The following MAP2 variants were observed in gnomAD, a reference collection of about 807,000 sequenced individuals.
MAP2 encodes the protein microtubule-associated protein 2.
A neutral mutation model predicts 137.6 loss-of-function variants in MAP2; 14 were observed. The observed-to-expected ratio is 0.10, with a 90% CI of 0.07 to 0.16. The LOEUF is 0.16. Ranked by LOEUF, MAP2 falls within the 10% of genes least tolerant of loss-of-function variation. MAP2 has a pLI of 1.00. For missense variants in MAP2, 2,088 were observed against 2,191.5 expected (o/e 0.95, Z 0.94); for synonymous variants, 786 against 782.3 (o/e 1.00, Z -0.08).
intron 4 of MAP2, among the ~76,000 whole-genome samples, chr2:209,648,924 GGA>G (rs1209441022): frequency 1.3e-5 from 2 of 152,090 alleles, no homozygotes; most frequent in African/African-American, 2.4e-5. Flanking sequence ...TTTGCAATTT[GGA>G]GAGTTTCCCA....
chr2:209,649,243 C>G (rs1264996433), intron 4 of MAP2, among the ~76,000 whole-genome samples: 1 of 152,018 alleles, frequency 6.6e-6, no homozygotes, highest in East Asian at 1.9e-4. Flanking sequence ...TCTTGAACTC[C>G]TGGACTCAAG....
At chr2:209,471,682 G>A (rs1279691759) in intron 1 of MAP2, among the ~76,000 whole-genome samples, 1 of 135,848 alleles carries the variant, frequency 7.4e-6, no homozygotes, top group Non-Finnish European at 1.5e-5. Context: ...AGGAAGGAAC[G>A]TGTTCTACAA....
intron 1 of MAP2, among the ~76,000 whole-genome samples, chr2:209,437,413 T>C (rs1317834869): frequency 6.6e-6 from 1 of 151,706 alleles, no homozygotes; most frequent in African/African-American, 2.4e-5. Flanking sequence ...GGTTTTCTCA[T>C]TCAAACTGAA....
chr2:209,677,601 C>A (rs534869112), intron 5 of MAP2, among the ~76,000 whole-genome samples: 1 of 152,090 alleles, frequency 6.6e-6, no homozygotes, highest in Admixed American at 6.6e-5. Flanking sequence ...TGATATATTT[C>A]TGTTAGTCAT....
At chr2:209,571,884 T>C (rs1012978795) in intron 2 of MAP2, among the ~76,000 whole-genome samples, 3 of 151,894 alleles carry the variant, frequency 2.0e-5, no homozygotes, top group Non-Finnish European at 4.4e-5. Flanking sequence ...TTTCTCTCTC[T>C]CCATTTATAC....
intron 1 of MAP2, among the ~76,000 whole-genome samples, chr2:209,434,814 C>CCT (rs58596249): frequency 0.25 from 25,941 of 102,424 alleles, 3,886 homozygotes; most frequent in South Asian, 0.29. Context: ...AGAGCCAGAT[C>CCT]CTCTCTCTCT....
At chr2:209,580,371 A>G (rs2076141269) in intron 3 of MAP2, among the ~76,000 whole-genome samples, 1 of 152,268 alleles carries the variant, frequency 6.6e-6, no homozygotes, top group East Asian at 1.9e-4. Context: ...TTATCATTGT[A>G]ATGTTTTTTT....
intron 2 of MAP2, among the ~76,000 whole-genome samples, chr2:209,558,814 G>A (rs2071295645): frequency 3.3e-5 from 5 of 151,846 alleles, no homozygotes. Flanking sequence ...TACCAGGCCA[G>A]TTGTCTTGAA....
At position 209,695,510 on chromosome 2, in the gene MAP2, G is replaced by T; in HGVS notation, c.3340G>T (p.Val1114Leu). 6.2e-7 allele frequency: 1 copy of T among 1,614,120 alleles called. No individual in the cohort carries two copies. The highest frequency in any genetic ancestry group is 8.5e-7 in the Non-Finnish European group (1 of 1,180,014). The change falls in exon 8 of 16, where the codon GTG (valine) becomes TTG (leucine). Residue 1114 changes from valine (V) to leucine (L), a missense_variant. Physicochemically the swap from Val to Leu is conservative, Grantham distance 32 (BLOSUM62 1). Transcript: ENST00000682079. ...KVSETEVKEK[V>L]AKPDLVHQEA... ...TAGTGAGACAGAAGTCAAAGAGAAG[G>T]TGGCCAAGCCTGACTTGGTGCACCA... is the stretch of plus-strand genomic sequence containing the variant.
In MAP2 at chr2:209,653,140, A is replaced by T. The variant is rs1411963590; in HGVS notation, c.-29-2A>T. On this transcript the variant is annotated splice_acceptor_variant, in intron 4 of 15. Coordinates refer to ENST00000682079, the MANE Select transcript of MAP2 (RefSeq NM_001375505.1). LOFTEE classifies it low-confidence loss of function (5UTR_SPLICE). ...TAATAGCTACTATTTTTTCTCTTTC[A>T]GTTGCAGGAGAAATAACAAGGCATT... 1.2e-5 allele frequency: 19 copies of T among 1,545,898 alleles called. No individual in the cohort carries two copies. In the Admixed American group the frequency reaches 2.5e-4, roughly 20 times the overall value.
intron 2 of MAP2, among the ~76,000 whole-genome samples, chr2:209,555,139 G>A (rs370390974): frequency 7.9e-5 from 12 of 151,788 alleles, no homozygotes; most frequent in South Asian, 2.1e-4. Context: ...CCCAGTGCCC[G>A]TCATAATCCT....
chr2:209,541,148 A>T (rs1212323773), intron 2 of MAP2, among the ~76,000 whole-genome samples: 1 of 151,082 alleles, frequency 6.6e-6, no homozygotes, highest in African/African-American at 2.5e-5. Context: ...CTCCTGCCTC[A>T]GCCTCCCAAG....
intron 4 of MAP2, among the ~76,000 whole-genome samples, chr2:209,637,633 C>CTG (rs2093674869): frequency 6.6e-6 from 1 of 152,072 alleles, no homozygotes; most frequent in Non-Finnish European, 1.5e-5. Context: ...ATACTTCTAA[C>CTG]CTAACCATCA....
intron 1 of MAP2, among the ~76,000 whole-genome samples, chr2:209,457,216 C>T (rs4673479): frequency 0.99 from 150,085 of 152,288 alleles, 74,066 homozygotes; most frequent in Non-Finnish European, 1. Flanking sequence ...GCGTGAATGG[C>T]TTGGCTATGG....
intron 7 of MAP2, 125 bp from the exon 8 acceptor site, chr2:209,692,500 C>G (rs1480489124): frequency 9.9e-7 from 1 of 1,013,550 alleles, no homozygotes; most frequent in Non-Finnish European, 1.4e-6. Flanking sequence ...GGGTAGCATG[C>G]TTGCATGTTC....
At chr2:209,460,812 A>T (rs1702600122) in intron 1 of MAP2, among the ~76,000 whole-genome samples, 1 of 152,044 alleles carries the variant, frequency 6.6e-6, no homozygotes, top group South Asian at 2.1e-4. Context: ...ACAGTGGCAT[A>T]ATCTTGGCTC....
intron 2 of MAP2, among the ~76,000 whole-genome samples, chr2:209,508,761 A>G (rs188001682): frequency 2.6e-5 from 4 of 152,190 alleles, no homozygotes; most frequent in East Asian, 1.9e-4. Flanking sequence ...TGAAATGTCT[A>G]CAAGTATTGG....
At chr2:209,506,799 G>C (rs1015211722) in intron 1 of MAP2, among the ~76,000 whole-genome samples, 1 of 152,082 alleles carries the variant, frequency 6.6e-6, no homozygotes, top group African/African-American at 2.4e-5. Flanking sequence ...ACTGATTGTC[G>C]ACCCAGGACT....
intron 2 of MAP2, among the ~76,000 whole-genome samples, chr2:209,559,576 G>T (rs1198227017): frequency 6.6e-6 from 1 of 151,532 alleles, no homozygotes; most frequent in Admixed American, 6.6e-5. Context: ...GCTTAAACGC[G>T]GGAGGCAGAG....
Sources: gnomAD v4.1 joint callset for allele counts (sites outside exome capture counted in the v4.1 genomes callset) on GRCh38, gnomAD v4.1.1 for gene constraint, MANE v1.5 for transcripts, NCBI Gene and HGNC (gene_info 2026-07-23, HGNC 2026-07-21) for gene names.